The following LRRC49 variants were observed in gnomAD, a reference collection of about 807,000 sequenced individuals.
LRRC49 encodes the protein leucine rich repeat containing 49.
LRRC49 carries 50 observed loss-of-function variants against 83.3 expected under a neutral mutation model. The ratio of observed to expected loss-of-function variants is 0.60; its 90% CI spans 0.48 to 0.76. LRRC49 has a LOEUF of 0.76. LRRC49 is among the 30% of genes least tolerant of loss of function. LRRC49 has a pLI of 0.00. For missense variants in LRRC49, 704 were observed against 809.1 expected, an observed-to-expected ratio of 0.87 and a Z score of 1.58; for synonymous variants, 286 against 283.3, an observed-to-expected ratio of 1.01 and a Z score of -0.10.
intron 2 of LRRC49, among the ~76,000 whole-genome samples, chr15:70,886,137 A>G (rs1317907927): frequency 6.6e-6 from 1 of 152,214 alleles, no homozygotes; most frequent in Non-Finnish European, 1.5e-5. Flanking sequence ...AATAATAAAA[A>G]TACTGCATAC....
rs1193302969 is a variant in LRRC49, at chr15:70,904,593, A to G, written c.338A>G (p.His113Arg). The G allele has an allele frequency of 1.9e-6, 3 of 1,613,774 alleles. No individual in the cohort carries two copies. Among genetic ancestry groups the G allele is most frequent in the Non-Finnish European group, 2.5e-6 (3 of 1,179,750 alleles). Residue 113 changes from histidine (H) to arginine (R), a missense_variant, in exon 5 of 16, where the codon CAC becomes CGC. Physicochemically the swap from His to Arg is conservative, Grantham distance 29 (BLOSUM62 0). Coordinates refer to ENST00000260382, the MANE Select transcript of LRRC49 (RefSeq NM_017691.5). Reference sequence around the variant, plus strand: ...TGTCCTATCATCAATGGGGAAGACCACCTTCGTTTGTTGAACTTTCAACAC... The same window carrying G: ...TGTCCTATCATCAATGGGGAAGACCGCCTTCGTTTGTTGAACTTTCAACAC... ...TVCPIINGED[H>R]LRLLNFQHNF...
At chr15:70,865,792 A>C (rs1471751873) in intron 1 of LRRC49, among the ~76,000 whole-genome samples, 1 of 152,178 alleles carries the variant, frequency 6.6e-6, no homozygotes, top group Non-Finnish European at 1.5e-5. Context: ...CAGTGTCAAA[A>C]CCAAGAAAAT....
At chr15:70,985,123 A>T (rs1399822779) in intron 11 of LRRC49, among the ~76,000 whole-genome samples, 3 of 149,552 alleles carry the variant, frequency 2.0e-5, no homozygotes, top group Non-Finnish European at 4.4e-5. Flanking sequence ...AGCATGATTT[A>T]TAGTCCTTTG....
At chr15:70,930,956 A>G (rs1024871839) in intron 7 of LRRC49, among the ~76,000 whole-genome samples, 1 of 152,164 alleles carries the variant, frequency 6.6e-6, no homozygotes, top group Non-Finnish European at 1.5e-5. Flanking sequence ...GACCATTCAA[A>G]CTTTCTTCCT....
intron 11 of LRRC49, among the ~76,000 whole-genome samples, chr15:70,991,813 A>T (rs942807963): frequency 7.9e-5 from 12 of 152,238 alleles, no homozygotes; most frequent in Non-Finnish European, 1.2e-4. Flanking sequence ...CTTTTACTTC[A>T]GGTTTTTAGC....
intron 15 of LRRC49, among the ~76,000 whole-genome samples, chr15:71,045,840 GCCCACACCCCTACCAC>G (rs1179241608): frequency 6.6e-6 from 1 of 152,074 alleles, no homozygotes; most frequent in East Asian, 1.9e-4. Context: ...TAGTTGTTTA[GCCCACACCCCTACCAC>G]CCTCTATGTT....
intron 7 of LRRC49, among the ~76,000 whole-genome samples, chr15:70,924,690 A>G (rs1460142727): frequency 6.6e-6 from 1 of 151,818 alleles, no homozygotes; most frequent in Non-Finnish European, 1.5e-5. Context: ...TGGGTTCACC[A>G]CTCCTTCTGC....
At chr15:70,992,823 G>A (rs868101080) in intron 11 of LRRC49, among the ~76,000 whole-genome samples, 3 of 152,130 alleles carry the variant, frequency 2.0e-5, no homozygotes, top group South Asian at 2.1e-4. Flanking sequence ...TAGGCTACTC[G>A]GGGGTCAGGG....
At chr15:70,971,797 C>CTTTTT (rs56230666) in intron 9 of LRRC49, among the ~76,000 whole-genome samples, 5 of 82,260 alleles carry the variant, frequency 6.1e-5, no homozygotes, top group African/African-American at 9.8e-5. Context: ...GTAACCACTC[C>CTTTTT]TTTTTTTTTT....
chr15:70,906,103 T>C lies in LRRC49; in HGVS notation c.500+1348T>C, dbSNP rs537917593. 2.6e-3 allele frequency among the ~76,000 whole-genome samples: 380 copies of C among 148,806 alleles called. 5 individuals carry two copies. Among genetic ancestry groups the C allele is most frequent in the African/African-American group, 9.2e-3 (375 of 40,642 alleles). ...AGCTCCCTCCATTTTTTTTTCTTTTTTTTTTTTTTTTTGAGATGGAGTCTC... is the reference window on the plus strand; with the variant it reads ...AGCTCCCTCCATTTTTTTTTCTTTTCTTTTTTTTTTTTGAGATGGAGTCTC... On this transcript the variant is annotated intron_variant, in intron 5 of 15. Coordinates refer to ENST00000260382, the MANE Select transcript of LRRC49 (RefSeq NM_017691.5).
upstream of LRRC49, among the ~76,000 whole-genome samples, chr15:70,890,972 C>A (rs2033541696): frequency 6.6e-6 from 1 of 152,072 alleles, no homozygotes; most frequent in Non-Finnish European, 1.5e-5. Flanking sequence ...TTGCAAGATG[C>A]CATTAAAGGG....
At chr15:70,991,228 A>G (rs543901795) in intron 11 of LRRC49, among the ~76,000 whole-genome samples, 27 of 152,354 alleles carry the variant, frequency 1.8e-4, no homozygotes, top group African/African-American at 4.8e-4. Context: ...TGCATTATCT[A>G]GACTCCACAT....
At chr15:71,018,903 C>G (rs2038909642) in intron 14 of LRRC49, among the ~76,000 whole-genome samples, 1 of 152,084 alleles carries the variant, frequency 6.6e-6, no homozygotes, top group African/African-American at 2.4e-5. Context: ...TAGAGTGGCT[C>G]ACAGAACACA....
chr15:70,919,148 T>C lies in LRRC49; in HGVS notation c.666T>C (p.Asp222=). The C allele has an allele frequency of 6.2e-7, 1 of 1,613,328 alleles. No homozygotes were observed. Among genetic ancestry groups the C allele is most frequent in the Non-Finnish European group, 8.5e-7 (1 of 1,179,620 alleles). ...ATGTTGATAATCTTAATGGGCTGGA[T>C]TCACTAACTGAACTTAACTTGCGAC... ...LSHVDNLNGL[D]SLTELNLRHN... The change falls in exon 7 of 16, where the codon GAT becomes GAC. Residue 222 remains aspartate (D), a synonymous_variant. Coordinates refer to ENST00000260382, the MANE Select transcript of LRRC49 (RefSeq NM_017691.5).
chr15:70,992,197 A>G (rs1175420625), intron 11 of LRRC49, among the ~76,000 whole-genome samples: 2 of 152,160 alleles, frequency 1.3e-5, no homozygotes, highest in African/African-American at 4.8e-5. Flanking sequence ...TGGTTATTCT[A>G]GTTAGCTATT....
At chr15:70,878,891 G>A (rs1419003440) in intron 2 of LRRC49, among the ~76,000 whole-genome samples, 1 of 152,196 alleles carries the variant, frequency 6.6e-6, no homozygotes, top group Non-Finnish European at 1.5e-5. Flanking sequence ...CTTTACAAGG[G>A]ATGTTGGTTT....
chr15:70,931,546 A>AT (rs1318758518), intron 7 of LRRC49, among the ~76,000 whole-genome samples: 1 of 152,220 alleles, frequency 6.6e-6, no homozygotes, highest in East Asian at 1.9e-4. Context: ...AATTTGTAAA[A>AT]TTTAAAAAAA....
chr15:70,892,030 C>T (rs773026515), upstream of LRRC49: 16 of 1,613,140 alleles, frequency 9.9e-6, no homozygotes, highest in Non-Finnish European at 1.4e-5. Flanking sequence ...CGCCTGCCAC[C>T]AGCCTCAGGC....
chr15:70,944,793 A>G (rs1051857793), intron 8 of LRRC49, among the ~76,000 whole-genome samples: 4 of 152,160 alleles, frequency 2.6e-5, no homozygotes, highest in African/African-American at 7.2e-5. Context: ...GGCCATTACC[A>G]TGCAGAAACA....
Sources: allele counts gnomAD v4.1 joint callset (sites outside exome capture counted in the v4.1 genomes callset), GRCh38; gene constraint gnomAD v4.1.1; transcripts MANE v1.5; gene names NCBI Gene and HGNC (gene_info 2026-07-23, HGNC 2026-07-21).